The following SLC41A2 variants were observed in gnomAD, a reference collection of about 807,000 sequenced individuals.
SLC41A2 encodes SLC41A1-like 1.
In SLC41A2, 32 loss-of-function variants were observed where a neutral mutation model predicts 58.3. The observed-to-expected ratio is 0.55, with a 90% CI of 0.41 to 0.74. The LOEUF (loss-of-function observed/expected upper bound fraction) is 0.74. SLC41A2 is among the 30% of genes least tolerant of loss of function. SLC41A2 has a pLI of 0.00. For missense variants in SLC41A2, 514 were observed against 680.6 expected (o/e 0.76, Z 2.72); for synonymous variants, 190 against 235.0 (o/e 0.81, Z 1.75).
chr12:104,905,468 G>A lies in SLC41A2; in HGVS notation c.663+4187C>T, dbSNP rs555162531. On this transcript the variant is annotated intron_variant, in intron 3 of 10. Transcript: ENST00000258538. Reference sequence around the variant, plus strand: ...GGCTTCACCTAGTGGATCCCGCACCGGGGCTGCAGGTGGAGCTGCCTGCCA... The same window carrying A: ...GGCTTCACCTAGTGGATCCCGCACCAGGGCTGCAGGTGGAGCTGCCTGCCA... Among the ~76,000 whole-genome samples the A allele has an allele frequency of 3.5e-3, 537 of 152,340 alleles. 2 individuals carry two copies. Among genetic ancestry groups the A allele is most frequent in the Non-Finnish European group, 5.2e-3 (356 of 68,026 alleles).
chr12:104,852,380 A>G (rs1053722283), intron 8 of SLC41A2, among the ~76,000 whole-genome samples: 1 of 152,212 alleles, frequency 6.6e-6, no homozygotes, highest in South Asian at 2.1e-4. Flanking sequence ...AGCATCTGCT[A>G]TTAAGCCAAC....
intron 3 of SLC41A2, among the ~76,000 whole-genome samples, chr12:104,904,261 T>C (rs1186500265): frequency 6.6e-6 from 1 of 152,222 alleles, no homozygotes; most frequent in African/African-American, 2.4e-5. Flanking sequence ...TAAATTCTTG[T>C]ATGCTTAACT....
intron 10 of SLC41A2, among the ~76,000 whole-genome samples, chr12:104,807,916 G>C (rs1440983722): frequency 6.6e-6 from 1 of 152,164 alleles, no homozygotes; most frequent in Non-Finnish European, 1.5e-5. Context: ...CATTGATTTT[G>C]TATCCTGAGA....
intron 10 of SLC41A2, among the ~76,000 whole-genome samples, chr12:104,806,605 G>T (rs929268332): frequency 6.6e-6 from 1 of 151,688 alleles, no homozygotes; most frequent in Non-Finnish European, 1.5e-5. Flanking sequence ...GGGTCAAATG[G>T]TATTTCTAGT....
chr12:104,806,672 G>C (rs887985773), intron 10 of SLC41A2, among the ~76,000 whole-genome samples: 11 of 151,938 alleles, frequency 7.2e-5, no homozygotes, highest in South Asian at 4.2e-4. Flanking sequence ...CTAGTTTACA[G>C]TCCCACCAAC....
chr12:104,935,007 C>T (rs754853885), intron 1 of SLC41A2, among the ~76,000 whole-genome samples: 1 of 152,070 alleles, frequency 6.6e-6, no homozygotes, highest in Non-Finnish European at 1.5e-5. Flanking sequence ...GCCCAAGCTG[C>T]AGTGCAATGG....
intron 5 of SLC41A2, 108 bp from the exon 6 acceptor site, chr12:104,886,547 ACTGCTTAGATAAG>A (rs1354538322): frequency 1.1e-5 from 13 of 1,170,470 alleles, no homozygotes; most frequent in Non-Finnish European, 1.1e-5. Flanking sequence ...TTCCAGTTAG[ACTGCTTAGATAAG>A]CTGACTAAAG....
chr12:104,836,760 G>A (rs1423620220), intron 10 of SLC41A2, among the ~76,000 whole-genome samples: 1 of 152,104 alleles, frequency 6.6e-6, no homozygotes, highest in Non-Finnish European at 1.5e-5. Context: ...ATTGTTTTCA[G>A]GAAAACAAGG....
rs544329617 is a variant in SLC41A2, at chr12:104,932,624, CAAAAAAAAAA to C, written c.-167-3940_-167-3931del. Among the ~76,000 whole-genome samples the C allele has an allele frequency of 7.1e-3, 327 of 46,070 alleles. 1 individual carries two copies. Among genetic ancestry groups the C allele is most frequent in the Non-Finnish European group, 0.011 (263 of 23,908 alleles). The allele number at this position is 46,070 out of a possible 152,430, so 30.2% of individuals were successfully genotyped here. A position where few individuals can be genotyped will look rare whatever the true frequency, so the allele number is the denominator to read the frequency against. On this transcript the variant is annotated intron_variant, in intron 1 of 10. Coordinates refer to ENST00000258538, the MANE Select transcript of SLC41A2 (RefSeq NM_001352171.3). ...TGGGTGACGCAGTGAGACTTTGTCT[CAAAAAAAAAA>C]AAAAAAAAAAAAGATATAGTAACCA...
chr12:104,817,696 T>C (rs1280263098), intron 10 of SLC41A2, among the ~76,000 whole-genome samples: 2 of 151,822 alleles, frequency 1.3e-5, no homozygotes, highest in African/African-American at 4.8e-5. Context: ...TCAAGTATTA[T>C]GTACTATACA....
At chr12:104,930,807 CCAGTCATCTCAGAATTTCCCAAGAT>C (rs1354779076) in intron 1 of SLC41A2, among the ~76,000 whole-genome samples, 11 of 152,180 alleles carry the variant, frequency 7.2e-5, no homozygotes, top group African/African-American at 2.7e-4. Flanking sequence ...TTTCCCAAGA[CCAGTCATCTCAGAATTTCCCAAGAT>C]CAGTCATCTC....
At chr12:104,864,159 T>C (rs1477406773) in intron 7 of SLC41A2, among the ~76,000 whole-genome samples, 1 of 152,104 alleles carries the variant, frequency 6.6e-6, no homozygotes, top group African/African-American at 2.4e-5. Context: ...AAAAAAGCAA[T>C]CTACATTACA....
In SLC41A2 at chr12:104,895,361, T is replaced by C. The variant is rs780411530; in HGVS notation, c.664-16A>G. 5 of 1,580,066 alleles carry C rather than the reference T, an allele frequency of 3.2e-6. No individual in the cohort carries two copies. The South Asian group carries it at 4.4e-5, about 14-fold the overall frequency. ...CAATATTTACCTGTTAAAGTGGATA[T>C]TTTCATGTATCACTGAAGAAAATCT... On this transcript the variant is annotated splice_polypyrimidine_tract_variant and intron_variant, in intron 3 of 10. Transcript: ENST00000258538.
At chr12:104,815,670 G>C (rs969895126) in intron 10 of SLC41A2, among the ~76,000 whole-genome samples, 6 of 152,036 alleles carry the variant, frequency 3.9e-5, no homozygotes, top group Non-Finnish European at 5.9e-5. Context: ...AATTAATACA[G>C]TTCTTCCTAA....
intron 10 of SLC41A2, among the ~76,000 whole-genome samples, chr12:104,806,285 A>G (rs1425988760): frequency 2.0e-4 from 30 of 151,614 alleles, no homozygotes; most frequent in Admixed American, 1.5e-3. Flanking sequence ...TCATTGTTCA[A>G]TTCCCACCTA....
chr12:104,864,202 TTTC>T (rs1265320639), intron 7 of SLC41A2, among the ~76,000 whole-genome samples: 4 of 152,310 alleles, frequency 2.6e-5, no homozygotes, highest in African/African-American at 9.6e-5. Context: ...ACAGAATAGA[TTTC>T]TTCTTTCCTG....
At chr12:104,872,638 C>G (rs146187984) in intron 6 of SLC41A2, among the ~76,000 whole-genome samples, 1 of 151,988 alleles carries the variant, frequency 6.6e-6, no homozygotes, top group Non-Finnish European at 1.5e-5. Context: ...GAGGCTGAGG[C>G]AGAACTGCTT....
At chr12:104,932,525 T>G (rs1279154538) in intron 1 of SLC41A2, among the ~76,000 whole-genome samples, 2 of 148,342 alleles carry the variant, frequency 1.3e-5, no homozygotes, top group Non-Finnish European at 3.0e-5. Flanking sequence ...CTCGGGAGGC[T>G]GAGGTGGGAG....
At chr12:104,863,211 G>A (rs936601918) in intron 7 of SLC41A2, among the ~76,000 whole-genome samples, 1 of 152,202 alleles carries the variant, frequency 6.6e-6, no homozygotes, top group Non-Finnish European at 1.5e-5. Context: ...GCCGAAGTGA[G>A]AGGACTGCTT....
Sources: gnomAD v4.1 joint callset for allele counts (sites outside exome capture counted in the v4.1 genomes callset) on GRCh38, gnomAD v4.1.1 for gene constraint, MANE v1.5 for transcripts, NCBI Gene and HGNC (gene_info 2026-07-23, HGNC 2026-07-21) for gene names.